The following GBP7 variants were observed in gnomAD, a reference collection of about 807,000 sequenced individuals.
GBP7 encodes guanylate-binding protein 7.
A neutral mutation model predicts 61.3 loss-of-function variants in GBP7; 43 were observed. The ratio of observed to expected loss-of-function variants is 0.70; its 90% CI spans 0.55 to 0.91. GBP7 has a LOEUF of 0.91. Among genes scored for constraint, GBP7 ranks in the 40% least tolerant of loss-of-function variants. The pLI is 0.00. For synonymous variants in GBP7, 267 were observed against 271.0 expected (o/e 0.99, Z 0.14); for missense variants, 717 against 740.5 (o/e 0.97, Z 0.37).
In GBP7 at chr1:89,164,817, T is replaced by C; in HGVS notation, c.232A>G (p.Ile78Val). 6.2e-7 allele frequency: 1 copy of C among 1,613,958 alleles called. No homozygotes were observed. The highest frequency in any genetic ancestry group is 8.5e-7 in the Non-Finnish European group (1 of 1,179,878). Residue 78 changes from isoleucine (I) to valine (V), a missense_variant, in exon 3 of 11, where the codon ATC becomes GTC. Transcript: ENST00000294671. ...GCTVKSETKG[I>V]WMWCVPHPSK... is the part of the protein sequence containing the mutation. The stretch of plus-strand genomic sequence containing the variant: ...GGGTGGGGCACACACCACATCCAGA[T>C]GCCTTTGGTTTCAGACTTCACTGTG...
At chr1:89,149,725 T>C (rs535140145) in intron 6 of GBP7, among the ~76,000 whole-genome samples, 153 bp from the exon 7 acceptor site, 160 of 152,330 alleles carry the variant, frequency 1.1e-3, no homozygotes, top group Non-Finnish European at 1.9e-3. Context: ...TTACTACTAC[T>C]ACTTTTTATG....
At chr1:89,160,044 A>T (rs1682402259) in intron 3 of GBP7, among the ~76,000 whole-genome samples, 2 of 152,192 alleles carry the variant, frequency 1.3e-5, no homozygotes, top group African/African-American at 4.8e-5. Flanking sequence ...GAAAAGGATG[A>T]GTTCATGTCC....
rs777841160 is a variant in GBP7 at position 89,152,138 on chromosome 1, A to G, written c.625+130T>C. 1.1e-5 allele frequency: 8 copies of G among 716,130 alleles called. No homozygotes were observed. The African/African-American group carries it at 1.4e-4, about 12-fold the overall frequency. 44.4% of individuals were successfully genotyped at this position (716,130 alleles called of 1,614,324 possible). ...CCACAAAAATCATAATCACTTATCA[A>G]TCACCAACCACCATGAGCAAGGGCC... On this transcript the variant is annotated intron_variant, in intron 5 of 10. Transcript: ENST00000294671.
At position 89,133,176 on chromosome 1, in the gene GBP7, A is replaced by C. The variant is rs1197672972; in HGVS notation, c.1662+82T>G. Reference sequence around the variant, plus strand: ...TTTTGTGTTTCCTTCTGAAATCTTGACTGAGCTTAAAATTTTGGCTCTTCC... The same window carrying C: ...TTTTGTGTTTCCTTCTGAAATCTTGCCTGAGCTTAAAATTTTGGCTCTTCC... On this transcript the variant is annotated intron_variant, in intron 10 of 10. Coordinates refer to ENST00000294671, the MANE Select transcript of GBP7 (RefSeq NM_207398.3). The C allele has an allele frequency of 3.1e-6, 3 of 958,656 alleles. No homozygotes were observed. The African/African-American group carries it at 4.9e-5, about 16-fold the overall frequency. The allele number at this position is 958,656 out of a possible 1,614,324, so 59.4% of individuals were successfully genotyped here.
In GBP7 at chr1:89,152,787, A is replaced by AAC; in HGVS notation, c.319-11_319-10insGT. 1 of 1,488,678 alleles carries AAC rather than the reference A, an allele frequency of 6.7e-7. No homozygotes were observed. Among genetic ancestry groups the AAC allele is most frequent in the Non-Finnish European group, 8.9e-7 (1 of 1,125,278 alleles). 92.2% of individuals were successfully genotyped at this position (1,488,678 alleles called of 1,614,324 possible). On this transcript the variant is annotated splice_polypyrimidine_tract_variant and intron_variant, in intron 3 of 10. Coordinates refer to ENST00000294671, the MANE Select transcript of GBP7 (RefSeq NM_207398.3). ...CACTCTTAGGGTCACTCTAGTGTTA[A>AAC]AGAAAAAAAAAAAAAAAATGGAAGC...
intron 1 of GBP7, among the ~76,000 whole-genome samples, chr1:89,174,954 A>G (rs1177738845): frequency 6.6e-6 from 1 of 152,212 alleles, no homozygotes; most frequent in African/African-American, 2.4e-5. Context: ...CATATGCACA[A>G]TTGTAATCAT....
At position 89,147,577 on chromosome 1, in the gene GBP7, T is replaced by C. The variant is rs774335287; in HGVS notation, c.1355A>G (p.Lys452Arg). 1 of 1,613,572 alleles carries C rather than the reference T, an allele frequency of 6.2e-7. No individual in the cohort carries two copies. Among genetic ancestry groups the C allele is most frequent in the Non-Finnish European group, 8.5e-7 (1 of 1,179,484 alleles). ...CCCCTTATTCCTCACCTTAACTCCT[T>C]TTCTGGGCACTAGTGTATAGTCCTG... ...IEQDYTLVPR[K>R]GVKADEVLQS... The change falls in exon 8 of 11, where the codon AAA becomes AGA. Residue 452 changes from lysine to arginine, a missense_variant. By Grantham distance (26) the Lys-to-Arg change is conservative. This residue lies in a region of GBP7 where 312 missense variants were observed against 310.1 expected (regional missense o/e 1.01). Coordinates refer to ENST00000294671, the MANE Select transcript of GBP7 (RefSeq NM_207398.3).
chr1:89,141,022 C>T (rs926121498), intron 9 of GBP7, among the ~76,000 whole-genome samples: 15 of 151,932 alleles, frequency 9.9e-5, no homozygotes, highest in African/African-American at 3.6e-4. Context: ...ACAAAGGGAC[C>T]AATAGACACC....
At chr1:89,134,437 G>A (rs532382521) in intron 9 of GBP7, among the ~76,000 whole-genome samples, 26 of 152,266 alleles carry the variant, frequency 1.7e-4, no homozygotes, top group African/African-American at 6.3e-4. Context: ...ACTCCTCATC[G>A]GTGTGTTGTT....
chr1:89,145,778 G>A lies in GBP7; in HGVS notation c.1365+1789C>T, dbSNP rs144307255. 7.8e-4 allele frequency among the ~76,000 whole-genome samples: 119 copies of A among 152,178 alleles called. 1 individual carries two copies. In the Middle Eastern group the frequency reaches 0.01, roughly 13 times the overall value. ...ATGTAACCAAAGAGGTAAAAGATTTGTACTCTGTCAATCATAAAATGCTGA... is the reference window on the plus strand; with the variant it reads ...ATGTAACCAAAGAGGTAAAAGATTTATACTCTGTCAATCATAAAATGCTGA... On this transcript the variant is annotated intron_variant, in intron 8 of 10. Transcript: ENST00000294671.
At chr1:89,139,649 C>A (rs540178931) in intron 9 of GBP7, among the ~76,000 whole-genome samples, 2 of 152,344 alleles carry the variant, frequency 1.3e-5, no homozygotes, top group Admixed American at 1.3e-4. Context: ...ACAGACACTT[C>A]TCAAAAGAAG....
At chr1:89,175,284 T>A (rs1647710468) in intron 1 of GBP7, among the ~76,000 whole-genome samples, 1 of 152,186 alleles carries the variant, frequency 6.6e-6, no homozygotes, top group African/African-American at 2.4e-5. Context: ...CAGCAGAAGA[T>A]GGAAAAAAAG....
chr1:89,140,460 GA>G lies in GBP7; in HGVS notation c.1468+1085del, dbSNP rs56788095. Among the ~76,000 whole-genome samples, 26 of 143,874 alleles carry G rather than the reference GA, an allele frequency of 1.8e-4. 1 individual carries two copies. The highest frequency in any genetic ancestry group is 6.9e-4 in the Admixed American group (10 of 14,548). 94.4% of individuals were successfully genotyped at this position (143,874 alleles called of 152,430 possible). On this transcript the variant is annotated intron_variant, in intron 9 of 10. Coordinates refer to ENST00000294671, the MANE Select transcript of GBP7 (RefSeq NM_207398.3). Reference sequence around the variant, plus strand: ...TATAATAATAATAATAAAAAAAACTGAAAAAAAAAAGAAAAATGCAGGTAGA... The same window carrying G: ...TATAATAATAATAATAAAAAAAACTGAAAAAAAAAGAAAAATGCAGGTAGA...
At position 89,152,246 on chromosome 1, in the gene GBP7, C is replaced by T. The variant is rs371762406; in HGVS notation, c.625+22G>A. On this transcript the variant is annotated intron_variant, in intron 5 of 10. Transcript: ENST00000294671. ...TCCCACCCGCTACTGAACCTTCTCC[C>T]ATCTAGGCCATGCTCTGATACCTGA... 1.6e-4 allele frequency: 257 copies of T among 1,608,650 alleles called. 17 individuals are homozygous for T. The highest frequency in any genetic ancestry group is 6.0e-4 in the East Asian group (27 of 44,848).
chr1:89,140,572 A>T (rs1253795749), intron 9 of GBP7, among the ~76,000 whole-genome samples: 2 of 152,228 alleles, frequency 1.3e-5, no homozygotes, highest in Non-Finnish European at 2.9e-5. Flanking sequence ...GGTTGCCAAG[A>T]AAAGGGAATT....
At chr1:89,168,901 G>GGAGGTTGCGGTGAGCT (rs1647519303) in intron 2 of GBP7, among the ~76,000 whole-genome samples, 2 of 152,022 alleles carry the variant, frequency 1.3e-5, no homozygotes, top group South Asian at 2.1e-4. Context: ...CCCGGGAGGC[G>GGAGGTTGCGGTGAGCT]GAGGTTGCGG....
At chr1:89,141,458 G>A in intron 9 of GBP7, 88 bp downstream of exon 9, 1 of 1,137,516 alleles carries the variant, frequency 8.8e-7, no homozygotes, top group Non-Finnish European at 1.3e-6. Context: ...GAAAGCTCCT[G>A]GTATAAGGAA....
chr1:89,142,097 T>C (rs139918118), intron 8 of GBP7, among the ~76,000 whole-genome samples: 86 of 152,338 alleles, frequency 5.6e-4, no homozygotes, highest in African/African-American at 1.9e-3. Flanking sequence ...TATTTATTTA[T>C]TTACTTTTGA....
chr1:89,170,533 C>G (rs1295915348), intron 2 of GBP7, among the ~76,000 whole-genome samples: 1 of 152,148 alleles, frequency 6.6e-6, no homozygotes, highest in Non-Finnish European at 1.5e-5. Context: ...AATCACTTTC[C>G]CCTGACTTGG....
Sources: gnomAD v4.1 joint callset for allele counts (sites outside exome capture counted in the v4.1 genomes callset) on GRCh38, gnomAD v4.1.1 for gene constraint, gnomAD v4.1.1 regional missense constraint, MANE v1.5 for transcripts, NCBI Gene and HGNC (gene_info 2026-07-23, HGNC 2026-07-21) for gene names.